Variants in FAM171A1 observed in about 807,000 individuals in gnomAD.
FAM171A1 encodes family with sequence similarity 171 member A1, also known as protein FAM171A1.
FAM171A1 carries 23 observed loss-of-function variants against 74.9 expected under a neutral mutation model. The ratio of observed to expected loss-of-function variants is 0.31; its 90% CI spans 0.22 to 0.44. The LOEUF (loss-of-function observed/expected upper bound fraction) is 0.44, where lower values mean the gene tolerates loss of function less well. FAM171A1 is among the 20% of genes least tolerant of loss of function. The probability of loss-of-function intolerance (pLI) is 1.00; values close to 1 mark genes in which losing one functional copy is unlikely to be tolerated. For synonymous variants in FAM171A1, 527 were observed against 505.7 expected (o/e 1.04, Z -0.57); for missense variants, 1,162 against 1,159.2 (o/e 1.00, Z -0.03).
intron 1 of FAM171A1, among the ~76,000 whole-genome samples, chr10:15,303,082 C>T (rs1280840580): frequency 6.6e-6 from 1 of 151,692 alleles, no homozygotes; most frequent in African/African-American, 2.4e-5. Flanking sequence ...CCAGCTACTT[C>T]GGAGGCTGAG....
At chr10:15,317,131 G>C (rs530247690) in intron 1 of FAM171A1, among the ~76,000 whole-genome samples, 2 of 152,110 alleles carry the variant, frequency 1.3e-5, no homozygotes, top group Non-Finnish European at 2.9e-5. Context: ...AGGACACAGG[G>C]AGGGGCCACC....
chr10:15,360,575 G>C (rs1588571571), intron 1 of FAM171A1, among the ~76,000 whole-genome samples: 1 of 152,204 alleles, frequency 6.6e-6, no homozygotes, highest in East Asian at 1.9e-4. Context: ...GGGACAATGA[G>C]GTTTCTGTCA....
intron 7 of FAM171A1, 95 bp from the exon 8 acceptor site, chr10:15,214,696 T>A: frequency 6.9e-7 from 1 of 1,453,574 alleles, no homozygotes; most frequent in East Asian, 2.4e-5. Flanking sequence ...TCAATTTCCA[T>A]GGGGAGAGAC....
intron 6 of FAM171A1, 102 bp downstream of exon 6, chr10:15,220,842 G>T: frequency 1.2e-6 from 1 of 824,544 alleles, no homozygotes. Context: ...TGAATAAGAT[G>T]TGATCGCCCT....
At chr10:15,279,206 T>C (rs1834935026) in intron 2 of FAM171A1, among the ~76,000 whole-genome samples, 1 of 152,176 alleles carries the variant, frequency 6.6e-6, no homozygotes, top group Non-Finnish European at 1.5e-5. Context: ...CCTAAAATAT[T>C]TGGTACTTTC....
chr10:15,231,926 A>C (rs2131733182), intron 5 of FAM171A1, among the ~76,000 whole-genome samples: 1 of 152,132 alleles, frequency 6.6e-6, no homozygotes, highest in East Asian at 1.9e-4. Context: ...CTCTACAAAA[A>C]ATAAAAAACA....
chr10:15,356,834 G>T (rs1389881806), intron 1 of FAM171A1, among the ~76,000 whole-genome samples: 1 of 152,052 alleles, frequency 6.6e-6, no homozygotes, highest in Non-Finnish European at 1.5e-5. Flanking sequence ...GGCCAGGTGT[G>T]GTGGTGGGTA....
At chr10:15,294,289 A>C (rs1031719892) in intron 1 of FAM171A1, among the ~76,000 whole-genome samples, 5 of 152,088 alleles carry the variant, frequency 3.3e-5, no homozygotes, top group African/African-American at 1.2e-4. Flanking sequence ...TCTCTTTGAA[A>C]CTGCACCTCA....
At chr10:15,260,805 C>A (rs900265766) in intron 3 of FAM171A1, among the ~76,000 whole-genome samples, 2 of 152,152 alleles carry the variant, frequency 1.3e-5, no homozygotes. Flanking sequence ...TTTAATAGCA[C>A]CCCTGACCTC....
Position 15,371,088 on chromosome 10 carries a change from G to C in FAM171A1, c.-36C>G. On this transcript the variant is annotated 5_prime_UTR_variant, in exon 1 of 8. Transcript: ENST00000378116. The stretch of plus-strand genomic sequence containing the variant: ...GGGCCGGCGGCGGCTCGGGCTCGCC[G>C]AGAGCGGGCCGGGCGGCGGCGCGTC... 1.0e-6 allele frequency: 1 copy of C among 956,438 alleles called. No homozygotes were observed. Among genetic ancestry groups the C allele is most frequent in the Non-Finnish European group, 1.2e-6 (1 of 801,370 alleles). The allele number at this position is 956,438 out of a possible 1,614,324, so 59.2% of individuals were successfully genotyped here. A position where few individuals can be genotyped will look rare whatever the true frequency, so the allele number is the denominator to read the frequency against.
At chr10:15,214,698 G>A in intron 7 of FAM171A1, 97 bp from the exon 8 acceptor site, 1 of 1,450,966 alleles carries the variant, frequency 6.9e-7, no homozygotes, top group Non-Finnish European at 9.1e-7. Context: ...AATTTCCATG[G>A]GGAGAGACAA....
chr10:15,265,160 C>T (rs1834721886), intron 3 of FAM171A1, among the ~76,000 whole-genome samples: 1 of 152,000 alleles, frequency 6.6e-6, no homozygotes, highest in Admixed American at 6.6e-5. Flanking sequence ...TGAAAACTAC[C>T]TGAATGTCTT....
chr10:15,342,033 C>T (rs1281238251), intron 1 of FAM171A1, among the ~76,000 whole-genome samples: 2 of 152,194 alleles, frequency 1.3e-5, no homozygotes, highest in Non-Finnish European at 2.9e-5. Context: ...TGCAGCAGGA[C>T]CCAGGAATCC....
chr10:15,279,395 C>T (rs1834937323), intron 2 of FAM171A1, among the ~76,000 whole-genome samples: 1 of 152,154 alleles, frequency 6.6e-6, no homozygotes, highest in Admixed American at 6.5e-5. Context: ...ACTAGGGATG[C>T]AATCAAGCAG....
chr10:15,263,706 C>T (rs895140180), intron 3 of FAM171A1, among the ~76,000 whole-genome samples: 1 of 150,398 alleles, frequency 6.6e-6, no homozygotes, highest in African/African-American at 2.4e-5. Flanking sequence ...AATCATCTAT[C>T]CATCTATCCT....
At chr10:15,273,373 C>G (rs1834852238) in intron 3 of FAM171A1, among the ~76,000 whole-genome samples, 1 of 152,188 alleles carries the variant, frequency 6.6e-6, no homozygotes, top group South Asian at 2.1e-4. Context: ...AGACAAATAA[C>G]AGGCTCTGAA....
At chr10:15,345,683 G>C (rs1256673765) in intron 1 of FAM171A1, among the ~76,000 whole-genome samples, 1 of 152,168 alleles carries the variant, frequency 6.6e-6, no homozygotes, top group Non-Finnish European at 1.5e-5. Flanking sequence ...AGATGCTCTA[G>C]AGAGGTCAGG....
chr10:15,311,050 G>T (rs1292276853), intron 1 of FAM171A1, among the ~76,000 whole-genome samples: 2 of 152,160 alleles, frequency 1.3e-5, no homozygotes, highest in African/African-American at 4.8e-5. Context: ...GGCTGCTGGG[G>T]CGTATCTCTG....
chr10:15,226,388 A>C (rs762630026), intron 5 of FAM171A1, among the ~76,000 whole-genome samples: 1 of 152,148 alleles, frequency 6.6e-6, no homozygotes, highest in Non-Finnish European at 1.5e-5. Context: ...TACATCATTG[A>C]TTGTTACATA....
Sources: gnomAD v4.1 joint callset for allele counts (sites outside exome capture counted in the v4.1 genomes callset) on GRCh38, gnomAD v4.1.1 for gene constraint, MANE v1.5 for transcripts, NCBI Gene and HGNC (gene_info 2026-07-23, HGNC 2026-07-21) for gene names.